Variants in TBC1D2B observed in about 807,000 individuals in gnomAD.
The protein encoded by TBC1D2B is TBC1 domain family member 2B.
A neutral mutation model predicts 100.8 loss-of-function variants in TBC1D2B; 64 were observed. That is an observed-to-expected ratio of 0.64 (90% CI 0.52 to 0.78). The LOEUF (loss-of-function observed/expected upper bound fraction) is 0.78. Among genes scored for constraint, TBC1D2B ranks in the 30% least tolerant of loss-of-function variants. The pLI, the probability that TBC1D2B is intolerant of heterozygous loss-of-function variation, is 0.00. For missense variants in TBC1D2B, 1,052 were observed against 1,218.4 expected, an observed-to-expected ratio of 0.86 and a Z score of 2.03; for synonymous variants, 480 against 479.7, an observed-to-expected ratio of 1.00 and a Z score of -0.01.
Position 78,044,961 on chromosome 15 carries a change from C to T in TBC1D2B, c.622G>A (p.Ala208Thr), listed in dbSNP as rs61732053. Residue 208 changes from alanine (A) to threonine (T), a missense_variant, in exon 3 of 13, where the codon GCC becomes ACC. Coordinates refer to ENST00000300584, the MANE Select transcript of TBC1D2B (RefSeq NM_144572.2). The part of the protein sequence containing the change: ...LVGEQAANQP[A>T]PGHPNSINFY... ...TTAATGGAATTTGGATGCCCTGGGG[C>T]GGGCTGATTTGCAGCTTGTTCTCCC... is the stretch of plus-strand genomic sequence containing the variant. The T allele has an allele frequency of 0.052, 84,163 of 1,613,372 alleles. 3,843 individuals carry two copies. Among genetic ancestry groups the T allele is most frequent in the South Asian group, 0.21 (19,126 of 90,980 alleles).
intron 6 of TBC1D2B, among the ~76,000 whole-genome samples, chr15:78,018,438 T>C (rs1429401701): frequency 6.6e-6 from 1 of 152,130 alleles, no homozygotes; most frequent in Non-Finnish European, 1.5e-5. Context: ...AAATCACTCT[T>C]AATAACAAAT....
At chr15:78,050,429 G>A (rs2073289756) in intron 2 of TBC1D2B, among the ~76,000 whole-genome samples, 1 of 152,132 alleles carries the variant, frequency 6.6e-6, no homozygotes, top group Admixed American at 6.5e-5. Context: ...AAAAAAGCAG[G>A]GTGTTGTTAT....
At chr15:78,034,085 G>A (rs962391962) in intron 3 of TBC1D2B, among the ~76,000 whole-genome samples, 21 of 152,156 alleles carry the variant, frequency 1.4e-4, no homozygotes, top group African/African-American at 3.9e-4. Flanking sequence ...CATCTTGCAC[G>A]TGCTATTTAT....
chr15:78,046,613 C>G (rs541090444), intron 2 of TBC1D2B, among the ~76,000 whole-genome samples: 2 of 151,928 alleles, frequency 1.3e-5, no homozygotes, highest in Non-Finnish European at 2.9e-5. Context: ...ACTACAGGCA[C>G]GCACGATGCC....
chr15:78,065,947 A>C, intron 1 of TBC1D2B: 1 of 463,080 alleles, frequency 2.2e-6, no homozygotes, highest in Admixed American at 2.4e-5. Context: ...TTGGTGTCTC[A>C]GGAGTATCAG....
intron 1 of TBC1D2B, among the ~76,000 whole-genome samples, chr15:78,076,457 A>G (rs2073830406): frequency 6.6e-6 from 1 of 152,210 alleles, no homozygotes; most frequent in Non-Finnish European, 1.5e-5. Context: ...CTTTCTGTCT[A>G]CAGTGCTAAA....
chr15:77,999,183 C>A, intron 12 of TBC1D2B: 1 of 425,622 alleles, frequency 2.3e-6, no homozygotes. Flanking sequence ...CCAACATGGG[C>A]TCATGCGCTT....
intron 12 of TBC1D2B, chr15:77,998,947 G>T (rs116928199): frequency 0.02 from 3,687 of 181,860 alleles, 63 homozygotes; most frequent in Non-Finnish European, 0.029. Context: ...CCAGGTCAAG[G>T]CTCCAATTTT....
intron 1 of TBC1D2B, among the ~76,000 whole-genome samples, chr15:78,057,098 A>G (rs2073440980): frequency 6.6e-6 from 1 of 152,208 alleles, no homozygotes; most frequent in South Asian, 2.1e-4. Context: ...TGCAGGCACC[A>G]TGAAAAATCT....
intron 1 of TBC1D2B, among the ~76,000 whole-genome samples, chr15:78,076,565 TGA>T (rs1322641732): frequency 6.7e-6 from 1 of 149,432 alleles, no homozygotes; most frequent in Non-Finnish European, 1.5e-5. Context: ...GGCAACATAG[TGA>T]GACCCCCGTT....
At chr15:78,073,111 T>C (rs2073766326) in intron 1 of TBC1D2B, among the ~76,000 whole-genome samples, 1 of 152,224 alleles carries the variant, frequency 6.6e-6, no homozygotes, top group Non-Finnish European at 1.5e-5. Context: ...ACATTCACTA[T>C]TCCTGGAGCC....
intron 1 of TBC1D2B, among the ~76,000 whole-genome samples, chr15:78,074,679 C>G (rs1173531490): frequency 6.6e-6 from 1 of 152,182 alleles, no homozygotes; most frequent in African/African-American, 2.4e-5. Context: ...CCCCATAAAG[C>G]TCTTCCCCTC....
chr15:78,013,050 C>G lies in TBC1D2B; in HGVS notation c.2043G>C (p.Arg681Ser), dbSNP rs1477124850. 5.0e-6 allele frequency: 8 copies of G among 1,614,000 alleles called. No homozygotes were observed. ...VWKWCVDRHT[R>S]KFKDNTEPGH... ...CAGGCTCAGTGTTGTCCTTGAACTT[C>G]CTGGTGTGACGGTCCACACACCACT... Residue 681 changes from arginine to serine, a missense_variant, in exon 9 of 13, where the codon AGG (arginine) becomes AGC (serine). Arg to Ser is a moderately radical substitution (Grantham distance 110). Coordinates refer to ENST00000300584, the MANE Select transcript of TBC1D2B (RefSeq NM_144572.2).
At chr15:78,003,200 G>A in intron 11 of TBC1D2B, 105 bp downstream of exon 11, 2 of 1,004,324 alleles carry the variant, frequency 2.0e-6, no homozygotes, top group Admixed American at 2.0e-5. Flanking sequence ...GGGCACCATG[G>A]TAACCCTCAT....
At chr15:78,007,828 C>T (rs1362614787) in intron 10 of TBC1D2B, among the ~76,000 whole-genome samples, 4 of 152,194 alleles carry the variant, frequency 2.6e-5, no homozygotes, top group Non-Finnish European at 2.9e-5. Context: ...GAGCTGGGCA[C>T]AGAGGAGACA....
At position 78,024,368 on chromosome 15, in the gene TBC1D2B, CCTT is replaced by C; in HGVS notation, c.1255_1257del (p.Lys419del). On this transcript the variant is annotated inframe_deletion, in exon 6 of 13. Coordinates refer to ENST00000300584, the MANE Select transcript of TBC1D2B (RefSeq NM_144572.2). ...GTCCTTACTTCCTGCTGAAGACTCT[CCTT>C]CTCCAAGCTGAACCTCTCCAGCTGG... 1.2e-6 allele frequency: 2 copies of C among 1,614,076 alleles called. No individual in the cohort carries two copies. Among genetic ancestry groups the C allele is most frequent in the Non-Finnish European group, 1.7e-6 (2 of 1,179,910 alleles).
intron 6 of TBC1D2B, among the ~76,000 whole-genome samples, chr15:78,020,963 T>C (rs9788640): frequency 0.89 from 135,303 of 152,252 alleles, 60,832 homozygotes; most frequent in East Asian, 0.99. Context: ...ATGAAAGCAA[T>C]ATGGAAGTGC....
At chr15:78,008,122 G>T (rs546667677) in intron 10 of TBC1D2B, among the ~76,000 whole-genome samples, 46 of 152,354 alleles carry the variant, frequency 3.0e-4, no homozygotes, top group African/African-American at 1.0e-3. Context: ...GCCGGCTTAC[G>T]GGGAAGCCAG....
chr15:78,020,807 A>C (rs952956721), intron 6 of TBC1D2B, among the ~76,000 whole-genome samples: 3 of 152,222 alleles, frequency 2.0e-5, no homozygotes, highest in Non-Finnish European at 4.4e-5. Context: ...GCAGAGTAAA[A>C]GGGTGGGCAC....
Sources: gnomAD v4.1 joint callset for allele counts (sites outside exome capture counted in the v4.1 genomes callset) on GRCh38, gnomAD v4.1.1 for gene constraint, MANE v1.5 for transcripts, NCBI Gene and HGNC (gene_info 2026-07-23, HGNC 2026-07-21) for gene names.